CSMD3: variants seen among roughly 807,000 people sequenced by gnomAD.
The protein encoded by CSMD3 is CUB and Sushi multiple domains 3.
In CSMD3, 177 loss-of-function variants were observed where a neutral mutation model predicts 435.2. The observed-to-expected ratio is 0.41, with a 90% CI of 0.36 to 0.46. CSMD3 has a LOEUF of 0.46. CSMD3 is among the 20% of genes least tolerant of loss of function. The probability of loss-of-function intolerance (pLI) is 0.34; values close to 1 mark genes in which losing one functional copy is unlikely to be tolerated. For missense variants in CSMD3, 4,265 were observed against 4,504.6 expected, an observed-to-expected ratio of 0.95 and a Z score of 1.52; for synonymous variants, 1,656 against 1,520.5, an observed-to-expected ratio of 1.09 and a Z score of -2.07.
chr8:113,430,889 C>T (rs1244190506), intron 1 of CSMD3, among the ~76,000 whole-genome samples: 1 of 152,102 alleles, frequency 6.6e-6, no homozygotes, highest in Non-Finnish European at 1.5e-5. Flanking sequence ...ATTCCTTAAC[C>T]AGCACCAAAC....
chr8:113,021,377 A>G (rs2086678359), intron 5 of CSMD3, among the ~76,000 whole-genome samples: 1 of 152,218 alleles, frequency 6.6e-6, no homozygotes, highest in Non-Finnish European at 1.5e-5. Flanking sequence ...ATTGAGTAGC[A>G]TAGTTCATGC....
intron 4 of CSMD3, among the ~76,000 whole-genome samples, chr8:113,154,753 C>A (rs2091899011): frequency 6.6e-6 from 1 of 151,980 alleles, no homozygotes; most frequent in Non-Finnish European, 1.5e-5. Flanking sequence ...TGAAAAGAGG[C>A]TAGGCATGTT....
chr8:112,295,329 G>T (rs1246975366), intron 54 of CSMD3, among the ~76,000 whole-genome samples: 1 of 151,962 alleles, frequency 6.6e-6, no homozygotes, highest in Non-Finnish European at 1.5e-5. Flanking sequence ...TGAGAGCAAA[G>T]GTTCTTCATG....
intron 38 of CSMD3, among the ~76,000 whole-genome samples, chr8:112,366,646 C>T (rs187096067): frequency 6.6e-6 from 1 of 152,172 alleles, no homozygotes; most frequent in African/African-American, 2.4e-5. Flanking sequence ...GATTTGCCCG[C>T]CTTGGCCTCC....
chr8:113,072,433 T>C (rs1395337106), intron 5 of CSMD3, among the ~76,000 whole-genome samples: 1 of 151,688 alleles, frequency 6.6e-6, no homozygotes, highest in African/African-American at 2.4e-5. Context: ...TAGCTGTGGG[T>C]CTTTCATATA....
At chr8:112,339,184 G>A (rs370334867) in intron 42 of CSMD3, among the ~76,000 whole-genome samples, 81 of 152,148 alleles carry the variant, frequency 5.3e-4, no homozygotes, top group African/African-American at 1.9e-3. Context: ...ATTGCAGGCC[G>A]AGTCCTCGTT....
At chr8:112,719,313 G>A (rs1273014992) in intron 13 of CSMD3, among the ~76,000 whole-genome samples, 1 of 152,014 alleles carries the variant, frequency 6.6e-6, no homozygotes, top group African/African-American at 2.4e-5. Context: ...AACATAATAT[G>A]CCCCCCAAAA....
intron 32 of CSMD3, among the ~76,000 whole-genome samples, chr8:112,449,602 G>A (rs1042227969): frequency 1.3e-5 from 2 of 152,104 alleles, no homozygotes; most frequent in African/African-American, 4.8e-5. Context: ...TTTCTAATGT[G>A]CAATCATATC....
At chr8:113,259,725 C>T (rs1050174803) in intron 3 of CSMD3, among the ~76,000 whole-genome samples, 8 of 151,846 alleles carry the variant, frequency 5.3e-5, no homozygotes, top group African/African-American at 1.9e-4. Context: ...TATGAAAATG[C>T]TTTAAGGAGT....
At chr8:112,345,474 T>G (rs1309336708) in intron 41 of CSMD3, among the ~76,000 whole-genome samples, 1 of 152,086 alleles carries the variant, frequency 6.6e-6, no homozygotes, top group Non-Finnish European at 1.5e-5. Flanking sequence ...TTATGTTAAG[T>G]GCAATTAAGT....
intron 3 of CSMD3, among the ~76,000 whole-genome samples, chr8:113,278,287 T>C (rs903934531): frequency 6.6e-6 from 1 of 151,830 alleles, no homozygotes; most frequent in Non-Finnish European, 1.5e-5. Flanking sequence ...CAAGGGACTG[T>C]AGGGTAGGGT....
intron 13 of CSMD3, among the ~76,000 whole-genome samples, chr8:112,777,771 T>C (rs1392888313): frequency 2.0e-5 from 3 of 151,956 alleles, no homozygotes; most frequent in East Asian, 1.9e-4. Flanking sequence ...CCAACATATA[T>C]TTAATGTAGT....
intron 47 of CSMD3, among the ~76,000 whole-genome samples, chr8:112,316,550 G>A (rs2130848635): frequency 6.6e-6 from 1 of 151,622 alleles, no homozygotes; most frequent in African/African-American, 2.4e-5. Flanking sequence ...CATATAGCAA[G>A]AAGCCTGACA....
chr8:113,327,906 T>C (rs960269139), intron 1 of CSMD3, among the ~76,000 whole-genome samples: 2 of 152,124 alleles, frequency 1.3e-5, no homozygotes, highest in Admixed American at 1.3e-4. Context: ...TTTGAAAAGC[T>C]CTACCATATT....
intron 10 of CSMD3, among the ~76,000 whole-genome samples, chr8:112,887,389 GA>G: frequency 6.6e-6 from 1 of 150,614 alleles, no homozygotes. Flanking sequence ...GAGTATTAAA[GA>G]AAAAATATTA....
chr8:112,432,474 A>ATTATT (rs986066562), intron 32 of CSMD3, among the ~76,000 whole-genome samples: 9 of 151,784 alleles, frequency 5.9e-5, no homozygotes, highest in Admixed American at 6.6e-5. Flanking sequence ...CAAATAATTT[A>ATTATT]TTATTTTATT....
chr8:113,399,058 C>G (rs1296220210), intron 1 of CSMD3, among the ~76,000 whole-genome samples: 2 of 117,006 alleles, frequency 1.7e-5, no homozygotes, highest in Non-Finnish European at 3.4e-5. Context: ...AAAATCAAAA[C>G]CATACCCACA....
chr8:112,256,816 G>A (rs554167471), intron 61 of CSMD3, among the ~76,000 whole-genome samples: 33 of 152,182 alleles, frequency 2.2e-4, no homozygotes, highest in Non-Finnish European at 4.4e-4. Context: ...TATAAATGTT[G>A]CCTTAGGAGG....
intron 27 of CSMD3, among the ~76,000 whole-genome samples, chr8:112,545,257 G>A (rs112713113): frequency 0.012 from 1,841 of 152,120 alleles, 35 homozygotes; most frequent in African/African-American, 0.043. Flanking sequence ...GCTGAGGCGG[G>A]CGGATCACAA....
Sources: gnomAD v4.1 joint callset for allele counts (sites outside exome capture counted in the v4.1 genomes callset) on GRCh38, gnomAD v4.1.1 for gene constraint, MANE v1.5 for transcripts, NCBI Gene and HGNC (gene_info 2026-07-23, HGNC 2026-07-21) for gene names.